The following TMEM108 variants were observed in gnomAD, a reference collection of about 807,000 sequenced individuals.
TMEM108 encodes the protein transmembrane protein 108, also known as cancer/testis antigen 124.
Under a neutral mutation model 35.1 loss-of-function variants are expected in TMEM108, and 12 were observed. The observed-to-expected ratio is 0.34, with a 90% CI of 0.22 to 0.55. The LOEUF (loss-of-function observed/expected upper bound fraction) is 0.55, where lower values mean the gene tolerates loss of function less well. Among genes scored for constraint, TMEM108 ranks in the 20% least tolerant of loss-of-function variants. The pLI, the probability that TMEM108 is intolerant of heterozygous loss-of-function variation, is 0.89. For synonymous variants in TMEM108, 287 were observed against 308.6 expected, an observed-to-expected ratio of 0.93 and a Z score of 0.73; for missense variants, 680 against 753.3, an observed-to-expected ratio of 0.90 and a Z score of 1.14.
intron 3 of TMEM108, among the ~76,000 whole-genome samples, chr3:133,258,188 G>A (rs996349436): frequency 7.9e-5 from 12 of 152,110 alleles, no homozygotes; most frequent in South Asian, 2.1e-4. Flanking sequence ...CCCTTCCTCC[G>A]TTTGAAGACA....
intron 2 of TMEM108, among the ~76,000 whole-genome samples, chr3:133,198,283 C>T (rs1945608890): frequency 1.3e-5 from 2 of 152,246 alleles, no homozygotes; most frequent in African/African-American, 4.8e-5. Context: ...ACTCCTAACA[C>T]TAGATAGATG....
intron 2 of TMEM108, among the ~76,000 whole-genome samples, chr3:133,058,341 A>G (rs1418697166): frequency 6.6e-6 from 1 of 152,204 alleles, no homozygotes; most frequent in Admixed American, 6.5e-5. Context: ...GGGCCTAGGA[A>G]GGATTGACAG....
chr3:133,240,618 G>A (rs1466386274), intron 3 of TMEM108, among the ~76,000 whole-genome samples: 1 of 152,154 alleles, frequency 6.6e-6, no homozygotes, highest in Non-Finnish European at 1.5e-5. Context: ...CTATAGGAAA[G>A]TATTTTTGCT....
intron 3 of TMEM108, among the ~76,000 whole-genome samples, chr3:133,359,624 A>T (rs1490889106): frequency 6.6e-6 from 1 of 152,206 alleles, no homozygotes; most frequent in Non-Finnish European, 1.5e-5. Context: ...GCTGGGAGAG[A>T]GACATCACAC....
At chr3:133,128,081 G>A (rs1327463098) in intron 2 of TMEM108, among the ~76,000 whole-genome samples, 1 of 152,182 alleles carries the variant, frequency 6.6e-6, no homozygotes, top group Non-Finnish European at 1.5e-5. Flanking sequence ...TAAAGACTTA[G>A]CCTTGCCAGA....
intron 3 of TMEM108, chr3:133,378,632 C>T (rs10512899): frequency 0.056 from 41,117 of 730,662 alleles, 1,370 homozygotes; most frequent in African/African-American, 0.13. Flanking sequence ...CATGTGTTGT[C>T]AACGGCTCCT....
At chr3:133,374,309 C>T (rs13318906) in intron 3 of TMEM108, among the ~76,000 whole-genome samples, 26,273 of 152,018 alleles carry the variant, frequency 0.17, 2,729 homozygotes, top group Middle Eastern at 0.33. Flanking sequence ...GAAGACTTCT[C>T]AGACTGCTAT....
At chr3:133,308,476 A>G (rs960410664) in intron 3 of TMEM108, among the ~76,000 whole-genome samples, 2 of 152,186 alleles carry the variant, frequency 1.3e-5, no homozygotes, top group African/African-American at 4.8e-5. Flanking sequence ...TTGCCCATTC[A>G]GTATGATATT....
chr3:133,059,441 G>T (rs569817206), intron 2 of TMEM108, among the ~76,000 whole-genome samples: 1 of 152,096 alleles, frequency 6.6e-6, no homozygotes, highest in Admixed American at 6.5e-5. Flanking sequence ...GTCCATTTCT[G>T]CCTTTATTTG....
chr3:133,363,329 A>G (rs1368527220), intron 3 of TMEM108, among the ~76,000 whole-genome samples: 2 of 152,108 alleles, frequency 1.3e-5, no homozygotes, highest in African/African-American at 2.4e-5. Context: ...CCCAGGTGAT[A>G]CCGATGCTGG....
intron 2 of TMEM108, among the ~76,000 whole-genome samples, chr3:133,144,596 A>G (rs1944689208): frequency 6.6e-6 from 1 of 152,240 alleles, no homozygotes. Flanking sequence ...CCAACAGTGT[A>G]AAAGTGTTCC....
chr3:133,386,747 G>A (rs1375544800), intron 4 of TMEM108: 11 of 1,252,048 alleles, frequency 8.8e-6, no homozygotes, highest in East Asian at 6.4e-5. Context: ...TTTACAAAAC[G>A]CTTCTGCATA....
intron 2 of TMEM108, among the ~76,000 whole-genome samples, chr3:133,078,420 T>C (rs1943771225): frequency 6.6e-6 from 1 of 152,172 alleles, no homozygotes; most frequent in South Asian, 2.1e-4. Context: ...AGTGATGCTC[T>C]ACAAAGCTGC....
At chr3:133,155,954 A>G (rs1944874885) in intron 2 of TMEM108, among the ~76,000 whole-genome samples, 1 of 152,050 alleles carries the variant, frequency 6.6e-6, no homozygotes, top group Non-Finnish European at 1.5e-5. Context: ...GTAATCTTAC[A>G]GAGTTTTTAT....
In TMEM108 at chr3:133,184,358, G is replaced by C. The variant is rs546453363; in HGVS notation, c.-46-44908G>C. Among the ~76,000 whole-genome samples the C allele has an allele frequency of 3.1e-4, 47 of 152,036 alleles. 1 individual carries two copies. Among genetic ancestry groups the C allele is most frequent in the Non-Finnish European group, 1.6e-4 (11 of 68,006 alleles). On this transcript the variant is annotated intron_variant, in intron 2 of 5. Transcript: ENST00000321871. ...TTCACAGCCAAGACTTTTTCTTTTCGTATTGGTTTTCCAATTAGAGTTTTG... is the reference window on the plus strand; with the variant it reads ...TTCACAGCCAAGACTTTTTCTTTTCCTATTGGTTTTCCAATTAGAGTTTTG...
Position 133,380,196 on chromosome 3 carries a change from C to T in TMEM108, c.485C>T (p.Thr162Ile). ...RPTTAPPRTT[T>I]RRPPRPPGSS... ...ACCACAGCGCCCCCCCGCACTACCA[C>T]ACGCAGGCCCCCCAGGCCCCCAGGC... Residue 162 changes from threonine to isoleucine, a missense_variant, in exon 4 of 6, where the codon ACA becomes ATA. Physicochemically the swap from Thr to Ile is moderately conservative, Grantham distance 89. This residue lies in a region of TMEM108 where 526 missense variants were observed against 532.1 expected (regional missense o/e 0.99). Transcript: ENST00000321871. This position sits in a 1 kb window ranked among gnomAD's most constrained non-coding sequence, Gnocchi z 5.3. 6.2e-7 allele frequency: 1 copy of T among 1,611,578 alleles called. No individual in the cohort carries two copies. Among genetic ancestry groups the T allele is most frequent in the Non-Finnish European group, 8.5e-7 (1 of 1,178,694 alleles).
At chr3:133,067,823 G>T (rs1422430086) in intron 2 of TMEM108, among the ~76,000 whole-genome samples, 1 of 152,106 alleles carries the variant, frequency 6.6e-6, no homozygotes. Context: ...CTGTAACAAA[G>T]TAAGCTGGGT....
chr3:133,054,595 A>G (rs548299878), intron 2 of TMEM108, among the ~76,000 whole-genome samples: 3 of 152,346 alleles, frequency 2.0e-5, no homozygotes, highest in East Asian at 3.9e-4. Context: ...ACTACCTCAC[A>G]TAGTGTGTTT....
In TMEM108 at chr3:133,380,952, T is replaced by C. The variant is rs761907122; in HGVS notation, c.1241T>C (p.Val414Ala). 2 of 1,614,058 alleles carry C rather than the reference T, an allele frequency of 1.2e-6. No homozygotes were observed. The highest frequency in any genetic ancestry group is 2.7e-5 in the African/African-American group (2 of 74,986). ...GCCACCCTCACCATGACCGACCGGG[T>C]GCCCAGTCCTCTCTCCACAGTGGTA... ...TVATLTMTDR[V>A]PSPLSTVVST... Residue 414 changes from valine (V) to alanine (A), a missense_variant, in exon 4 of 6, where the codon GTG becomes GCG. Around this residue, in one of 3 missense-constraint regions of TMEM108, gnomAD observed 526 missense variants for 532.1 expected, o/e 0.99. Transcript: ENST00000321871. The surrounding 1 kb of genome is among the most constrained non-coding windows in gnomAD (Gnocchi z 5.3).
Sources: allele counts gnomAD v4.1 joint callset (sites outside exome capture counted in the v4.1 genomes callset), GRCh38; gene constraint gnomAD v4.1.1; regional missense constraint gnomAD v4.1.1; non-coding constraint Gnocchi (gnomAD v3.1); transcripts MANE v1.5; gene names NCBI Gene and HGNC (gene_info 2026-07-23, HGNC 2026-07-21).